ATG5: variants seen among roughly 807,000 people sequenced by gnomAD.
ATG5 encodes autophagy protein 5.
Under a neutral mutation model 36.5 loss-of-function variants are expected in ATG5, and 14 were observed. The ratio of observed to expected loss-of-function variants is 0.38; its 90% CI spans 0.25 to 0.60. The LOEUF is 0.60. Among genes scored for constraint, ATG5 ranks in the 20% least tolerant of loss-of-function variants. The pLI is 0.60. For missense variants in ATG5, 195 were observed against 326.7 expected (o/e 0.60, Z 3.11); for synonymous variants, 95 against 101.5 (o/e 0.94, Z 0.38).
At chr6:106,256,161 T>C (rs1778790697) in intron 5 of ATG5, among the ~76,000 whole-genome samples, 1 of 152,020 alleles carries the variant, frequency 6.6e-6, no homozygotes, top group Admixed American at 6.6e-5. Flanking sequence ...ACATTTATTA[T>C]GTAGGTAATT....
intron 6 of ATG5, among the ~76,000 whole-genome samples, chr6:106,209,681 G>C (rs891152725): frequency 6.6e-6 from 1 of 152,108 alleles, no homozygotes; most frequent in African/African-American, 2.4e-5. Context: ...GTAAAACTAA[G>C]GAAATCTGAG....
At chr6:106,271,993 G>C (rs745559235) in intron 5 of ATG5, among the ~76,000 whole-genome samples, 3 of 152,138 alleles carry the variant, frequency 2.0e-5, no homozygotes, top group Non-Finnish European at 4.4e-5. Flanking sequence ...ACTGCTTCAG[G>C]TCTTCATTTA....
chr6:106,298,117 A>T (rs1201036846), intron 3 of ATG5, among the ~76,000 whole-genome samples: 2 of 151,686 alleles, frequency 1.3e-5, no homozygotes, highest in Non-Finnish European at 2.9e-5. Flanking sequence ...GGCGCGTACC[A>T]CCACACCTGG....
At chr6:106,256,219 T>C (rs1469492026) in intron 5 of ATG5, among the ~76,000 whole-genome samples, 1 of 152,186 alleles carries the variant, frequency 6.6e-6, no homozygotes, top group Non-Finnish European at 1.5e-5. Flanking sequence ...AAGTGTAAAG[T>C]AGAAAACACT....
intron 5 of ATG5, among the ~76,000 whole-genome samples, chr6:106,250,651 T>C (rs1739991334): frequency 6.6e-6 from 1 of 152,234 alleles, no homozygotes; most frequent in African/African-American, 2.4e-5. Flanking sequence ...CAGCTAAATA[T>C]AATGATTCTT....
intron 4 of ATG5, among the ~76,000 whole-genome samples, chr6:106,285,358 AT>A (rs952193079): frequency 2.0e-5 from 3 of 151,722 alleles, no homozygotes; most frequent in East Asian, 3.9e-4. Context: ...TGAGAGTAAA[AT>A]TTTTTTTTAT....
At chr6:106,214,285 C>G (rs1414559248) in intron 6 of ATG5, among the ~76,000 whole-genome samples, 1 of 151,980 alleles carries the variant, frequency 6.6e-6, no homozygotes, top group Non-Finnish European at 1.5e-5. Context: ...TTACAGTAAA[C>G]AGTCTTTTGG....
At chr6:106,197,143 T>C (rs1409141538) in intron 7 of ATG5, among the ~76,000 whole-genome samples, 1 of 152,122 alleles carries the variant, frequency 6.6e-6, no homozygotes, top group African/African-American at 2.4e-5. Context: ...CATTCTATAG[T>C]CAAGGATGTT....
At chr6:106,210,968 T>C (rs1582554359) in intron 6 of ATG5, among the ~76,000 whole-genome samples, 1 of 152,222 alleles carries the variant, frequency 6.6e-6, no homozygotes, top group Non-Finnish European at 1.5e-5. Flanking sequence ...ATAAGGATTA[T>C]AATAACATAT....
chr6:106,298,255 A>G (rs780072060), intron 3 of ATG5, among the ~76,000 whole-genome samples: 4 of 152,120 alleles, frequency 2.6e-5, no homozygotes, highest in Non-Finnish European at 5.9e-5. Flanking sequence ...CACTGCACCC[A>G]GCGCTAGCCT....
At chr6:106,307,535 CT>C (rs34511184) in intron 3 of ATG5, among the ~76,000 whole-genome samples, 23,378 of 104,978 alleles carry the variant, frequency 0.22, 1,527 homozygotes, top group Admixed American at 0.25. Context: ...TTTCAATACC[CT>C]TTTTTTTTTT....
At position 106,261,627 on chromosome 6, in the gene ATG5, T is replaced by C. The variant is rs376229167; in HGVS notation, c.479-13383A>G. ...GCACTCAACAAGTGGTCACTGCTAC[T>C]TTAAATGAGAAGCAGTTTTACCTAT... On this transcript the variant is annotated intron_variant, in intron 5 of 7. Coordinates refer to ENST00000369076, the MANE Select transcript of ATG5 (RefSeq NM_004849.4). 5.9e-5 allele frequency among the ~76,000 whole-genome samples: 9 copies of C among 152,360 alleles called. No homozygotes were observed. The East Asian group carries it at 1.2e-3, about 20-fold the overall frequency.
In ATG5 at chr6:106,186,448, T is replaced by C. The variant is rs916415841; in HGVS notation, c.*92A>G. On this transcript the variant is annotated 3_prime_UTR_variant, in exon 8 of 8. Transcript: ENST00000369076. ...CAGCAGCGAAGTGTTTCTGGTCAGGTTGCCTCCACCAAACCTGATTGAAGC... is the reference window on the plus strand; with the variant it reads ...CAGCAGCGAAGTGTTTCTGGTCAGGCTGCCTCCACCAAACCTGATTGAAGC... 10 of 1,462,476 alleles carry C rather than the reference T, an allele frequency of 6.8e-6. No individual in the cohort carries two copies. The highest frequency in any genetic ancestry group is 3.6e-5 in the Admixed American group (2 of 54,806). 90.6% of individuals were successfully genotyped at this position (1,462,476 alleles called of 1,614,324 possible). A position where few individuals can be genotyped will look rare whatever the true frequency, so the allele number is the denominator to read the frequency against.
intron 5 of ATG5, among the ~76,000 whole-genome samples, chr6:106,265,092 G>C (rs1410743863): frequency 6.9e-6 from 1 of 145,286 alleles, no homozygotes; most frequent in Non-Finnish European, 1.5e-5. Flanking sequence ...GTATTCAGGA[G>C]ACCCATCTCA....
chr6:106,271,912 G>A (rs1779469202), intron 5 of ATG5, among the ~76,000 whole-genome samples: 1 of 152,180 alleles, frequency 6.6e-6, no homozygotes, highest in Non-Finnish European at 1.5e-5. Context: ...TCCCACTTTA[G>A]TGCCTTTGCT....
intron 5 of ATG5, among the ~76,000 whole-genome samples, chr6:106,252,042 T>C (rs1055498368): frequency 1.3e-5 from 2 of 152,140 alleles, no homozygotes; most frequent in Non-Finnish European, 2.9e-5. Context: ...GATTTCACCA[T>C]GTTGGCCAGG....
intron 6 of ATG5, among the ~76,000 whole-genome samples, chr6:106,219,454 T>C (rs528310518): frequency 6.6e-6 from 1 of 152,300 alleles, no homozygotes; most frequent in Non-Finnish European, 1.5e-5. Flanking sequence ...CAACTAACCA[T>C]GGGTCGAAAA....
chr6:106,249,932 C>G (rs1421426517), intron 5 of ATG5, among the ~76,000 whole-genome samples: 1 of 152,228 alleles, frequency 6.6e-6, no homozygotes, highest in Non-Finnish European at 1.5e-5. Flanking sequence ...ATCACTTTCC[C>G]TTTTAAACCA....
intron 7 of ATG5, among the ~76,000 whole-genome samples, chr6:106,199,872 TG>T (rs1776349929): frequency 1.3e-5 from 2 of 152,210 alleles, no homozygotes; most frequent in South Asian, 2.1e-4. Context: ...TAGAGATACA[TG>T]GATGTGTGTA....
Sources: allele counts gnomAD v4.1 joint callset (sites outside exome capture counted in the v4.1 genomes callset), GRCh38; gene constraint gnomAD v4.1.1; transcripts MANE v1.5; gene names NCBI Gene and HGNC (gene_info 2026-07-23, HGNC 2026-07-21).